The following MFN1 variants were observed in gnomAD, a reference collection of about 807,000 sequenced individuals.
MFN1 encodes mitofusin 1.
In MFN1, 65 loss-of-function variants were observed where a neutral mutation model predicts 92.4. The observed-to-expected ratio is 0.70, with a 90% CI of 0.58 to 0.86. MFN1 has a LOEUF of 0.86. Ranked by LOEUF, MFN1 falls within the 40% of genes least tolerant of loss-of-function variation. The probability of loss-of-function intolerance (pLI) is 0.00; values close to 1 mark genes in which losing one functional copy is unlikely to be tolerated. For missense variants in MFN1, 781 were observed against 868.0 expected (o/e 0.90, Z 1.26); for synonymous variants, 297 against 300.9 (o/e 0.99, Z 0.13).
At position 179,392,185 on chromosome 3, in the gene MFN1, G is replaced by A. The variant is rs1001277520; in HGVS notation, c.*126G>A. 6 of 621,862 alleles carry A rather than the reference G, an allele frequency of 9.6e-6. No individual in the cohort carries two copies. The highest frequency in any genetic ancestry group is 1.9e-5 in the African/African-American group (1 of 53,856). 38.5% of individuals were successfully genotyped at this position (621,862 alleles called of 1,614,324 possible). A position where few individuals can be genotyped will look rare whatever the true frequency, so the allele number is the denominator to read the frequency against. On this transcript the variant is annotated 3_prime_UTR_variant, in exon 18 of 18. Transcript: ENST00000471841. Reference sequence around the variant, plus strand: ...AACTGTACCTAAATAGCAAAGCCCTGTGTAGATTCTGGTAATGATCTGTCT... The same window carrying A: ...AACTGTACCTAAATAGCAAAGCCCTATGTAGATTCTGGTAATGATCTGTCT...
chr3:179,380,327 G>A (rs907767114), intron 14 of MFN1, among the ~76,000 whole-genome samples: 3 of 152,202 alleles, frequency 2.0e-5, no homozygotes, highest in African/African-American at 2.4e-5. Flanking sequence ...AATAAAGGAT[G>A]CAAAGAACAG....
chr3:179,365,901 A>G (rs749855841), intron 7 of MFN1, among the ~76,000 whole-genome samples: 1 of 152,220 alleles, frequency 6.6e-6, no homozygotes, highest in Non-Finnish European at 1.5e-5. Context: ...CTATACTACA[A>G]TTGATTTATT....
At position 179,358,960 on chromosome 3, in the gene MFN1, C is replaced by G; in HGVS notation, c.369C>G (p.Ala123=). 1.2e-6 allele frequency: 2 copies of G among 1,613,856 alleles called. No homozygotes were observed. The highest frequency in any genetic ancestry group is 1.3e-5 in the African/African-American group (1 of 74,980). Residue 123 remains alanine, a synonymous_variant, in exon 4 of 18, where the codon GCC becomes GCG. Coordinates refer to ENST00000471841, the MANE Select transcript of MFN1 (RefSeq NM_033540.3). The part of the protein sequence containing the change: ...LSVEGTDGDK[A]YLMTEGSDEK... ...TTGAAGGAACTGATGGAGATAAAGC[C>G]TATCTTATGACAGAAGGATCAGATG...
At chr3:179,391,787 ATTAT>A (rs915949617) in intron 17 of MFN1, among the ~76,000 whole-genome samples, 190 bp from the exon 18 acceptor site, 1 of 152,182 alleles carries the variant, frequency 6.6e-6, no homozygotes, top group African/African-American at 2.4e-5. Context: ...TACTTTGTGC[ATTAT>A]TTAAAGGGAA....
intron 3 of MFN1, among the ~76,000 whole-genome samples, chr3:179,358,432 C>T (rs80142734): frequency 1.3e-5 from 2 of 152,222 alleles, no homozygotes; most frequent in East Asian, 1.9e-4. Flanking sequence ...GGATTACAGG[C>T]GTGAGCCACT....
At chr3:179,374,681 G>A (rs1713168663) in intron 9 of MFN1, among the ~76,000 whole-genome samples, 1 of 152,030 alleles carries the variant, frequency 6.6e-6, no homozygotes, top group Admixed American at 6.5e-5. Context: ...AACAATTTTA[G>A]ATGTTACATT....
intron 2 of MFN1, among the ~76,000 whole-genome samples, chr3:179,349,612 G>T (rs1243251703): frequency 6.6e-6 from 1 of 151,696 alleles, no homozygotes; most frequent in Non-Finnish European, 1.5e-5. Context: ...GGGTTCAAGC[G>T]ATTCTTCTGC....
At chr3:179,383,051 G>C (rs1186823193) in intron 14 of MFN1, among the ~76,000 whole-genome samples, 1 of 152,072 alleles carries the variant, frequency 6.6e-6, no homozygotes, top group Non-Finnish European at 1.5e-5. Flanking sequence ...TTCTTTTGCT[G>C]TGCAGAAGCT....
chr3:179,377,393 A>G lies in MFN1; in HGVS notation c.1274A>G (p.Asp425Gly). ...DEICRLSVLV[D>G]EFCSEFHPNP... Reference sequence around the variant, plus strand: ...ATTTGTCGACTGTCTGTTTTGGTTGATGAATTTTGTTCAGAGTTTCATCCT... The same window carrying G: ...ATTTGTCGACTGTCTGTTTTGGTTGGTGAATTTTGTTCAGAGTTTCATCCT... Residue 425 changes from aspartate (D) to glycine (G), a missense_variant, in exon 12 of 18, where the codon GAT (aspartate) becomes GGT (glycine). Coordinates refer to ENST00000471841, the MANE Select transcript of MFN1 (RefSeq NM_033540.3). 6.2e-7 allele frequency: 1 copy of G among 1,609,912 alleles called. No individual in the cohort carries two copies. The highest frequency in any genetic ancestry group is 8.5e-7 in the Non-Finnish European group (1 of 1,178,438).
chr3:179,390,970 C>G (rs934358837), intron 17 of MFN1, among the ~76,000 whole-genome samples: 2 of 152,090 alleles, frequency 1.3e-5, no homozygotes, highest in Admixed American at 6.6e-5. Flanking sequence ...GTTCATTGTA[C>G]CTTAGTTTCA....
chr3:179,372,959 G>A (rs1713083564), intron 9 of MFN1, among the ~76,000 whole-genome samples: 1 of 152,046 alleles, frequency 6.6e-6, no homozygotes, highest in Non-Finnish European at 1.5e-5. Flanking sequence ...TGTAATTATT[G>A]GTGATTTTAA....
intron 9 of MFN1, among the ~76,000 whole-genome samples, chr3:179,371,206 T>TA (rs550709246): frequency 5.3e-5 from 8 of 151,974 alleles, no homozygotes; most frequent in South Asian, 4.2e-4. Flanking sequence ...GTAAAAGCAA[T>TA]AAAAAAAATC....
At chr3:179,364,241 T>TA in intron 5 of MFN1, 56 bp from the exon 6 acceptor site, 4 of 1,238,350 alleles carry the variant, frequency 3.2e-6, no homozygotes, top group Non-Finnish European at 4.4e-6. Flanking sequence ...AAAAATTCTG[T>TA]AACCCAAATT....
chr3:179,352,330 A>C (rs1207343282), intron 3 of MFN1, among the ~76,000 whole-genome samples: 2 of 152,100 alleles, frequency 1.3e-5, no homozygotes, highest in Non-Finnish European at 2.9e-5. Flanking sequence ...TTTGTGTTTT[A>C]CTCTTTTAAG....
chr3:179,351,820 A>T, intron 2 of MFN1, 80 bp from the exon 3 acceptor site: 1 of 1,362,958 alleles, frequency 7.3e-7, no homozygotes, highest in South Asian at 1.7e-5. Context: ...GCAAAAATAC[A>T]TACAATCTTA....
intron 17 of MFN1, among the ~76,000 whole-genome samples, chr3:179,391,094 C>T (rs1713881817): frequency 6.6e-6 from 1 of 151,750 alleles, no homozygotes; most frequent in African/African-American, 2.4e-5. Flanking sequence ...CCATATATAC[C>T]TTTCAAATGT....
In MFN1 at chr3:179,348,599, A is replaced by G. The variant is rs796423322; in HGVS notation, c.-7-246A>G. Among the ~76,000 whole-genome samples, 5 of 152,194 alleles carry G rather than the reference A, an allele frequency of 3.3e-5. No homozygotes were observed. In the South Asian group the frequency reaches 1.0e-3, roughly 31 times the overall value. ...GTCACAATTAGTTTCGTCTTCACCAAAGGGAAATTGAGTAGAAATTGCAAC... is the reference window on the plus strand; with the variant it reads ...GTCACAATTAGTTTCGTCTTCACCAGAGGGAAATTGAGTAGAAATTGCAAC... On this transcript the variant is annotated intron_variant, in intron 1 of 17. Coordinates refer to ENST00000471841, the MANE Select transcript of MFN1 (RefSeq NM_033540.3).
intron 4 of MFN1, among the ~76,000 whole-genome samples, chr3:179,361,617 A>G (rs1245755919): frequency 6.6e-6 from 1 of 151,520 alleles, no homozygotes. Context: ...GCTCACTGCA[A>G]CCTTCACCTC....
rs1713284625 is a variant in MFN1, at chr3:179,377,441, A to G, written c.1322A>G (p.Tyr441Cys). Residue 441 changes from tyrosine to cysteine, a missense_variant, in exon 12 of 18, where the codon TAT becomes TGT. Tyr to Cys is a radical substitution (Grantham distance 194). Coordinates refer to ENST00000471841, the MANE Select transcript of MFN1 (RefSeq NM_033540.3). ...CCTAATCCAGATGTATTAAAAATAT[A>G]TAAAAGTGTAAGTTAAAGTATAGAT... Reference protein sequence around the residue: ...FHPNPDVLKIYKSELNKHIED... With the variant: ...FHPNPDVLKICKSELNKHIED... The G allele has an allele frequency of 6.5e-7, 1 of 1,550,376 alleles. No individual in the cohort carries two copies. Among genetic ancestry groups the G allele is most frequent in the African/African-American group, 1.4e-5 (1 of 73,304 alleles).
Sources: allele counts gnomAD v4.1 joint callset (sites outside exome capture counted in the v4.1 genomes callset), GRCh38; gene constraint gnomAD v4.1.1; transcripts MANE v1.5; gene names NCBI Gene and HGNC (gene_info 2026-07-23, HGNC 2026-07-21).